Variants in DUS2 observed in about 807,000 individuals in gnomAD.
DUS2 encodes the protein dihydrouridine synthase 2, also known as tRNA-dihydrouridine(20) synthase [NAD(P)+]-like.
A neutral mutation model predicts 71.3 loss-of-function variants in DUS2; 52 were observed. The observed-to-expected ratio is 0.73, with a 90% CI of 0.58 to 0.92. DUS2 has a LOEUF of 0.92. DUS2 is among the 40% of genes least tolerant of loss of function. The pLI is 0.00. For synonymous variants in DUS2, 204 were observed against 227.8 expected, an observed-to-expected ratio of 0.90 and a Z score of 0.94; for missense variants, 558 against 622.6, an observed-to-expected ratio of 0.90 and a Z score of 1.10.
intron 2 of DUS2, among the ~76,000 whole-genome samples, chr16:68,037,653 A>G (rs2033552159): frequency 6.6e-6 from 1 of 152,032 alleles, no homozygotes; most frequent in Non-Finnish European, 1.5e-5. Flanking sequence ...TCCTGACCTC[A>G]GGTGATCCGC....
Position 68,066,557 on chromosome 16 carries a change from C to A in DUS2, c.484-9C>A, listed in dbSNP as rs768865250. ...TTCAGTAACCATCCTGTGTGGTCCT[C>A]CTCCTCAGCTAGAAGATACCCTGAG... On this transcript the variant is annotated splice_polypyrimidine_tract_variant and intron_variant, in intron 9 of 16. Coordinates refer to ENST00000565263, the MANE Select transcript of DUS2 (RefSeq NM_017803.5). 1.1e-5 allele frequency: 17 copies of A among 1,614,016 alleles called. No individual in the cohort carries two copies. The highest frequency in any genetic ancestry group is 3.3e-4 in the Middle Eastern group (2 of 6,082).
chr16:68,062,516 G>A (rs893634701), intron 8 of DUS2, among the ~76,000 whole-genome samples: 23 of 151,552 alleles, frequency 1.5e-4, no homozygotes, highest in African/African-American at 5.6e-4. Flanking sequence ...TCAGGAGATC[G>A]AGACCATTCT....
chr16:68,049,003 A>G (rs994987802), intron 3 of DUS2, among the ~76,000 whole-genome samples: 2 of 151,896 alleles, frequency 1.3e-5, no homozygotes, highest in Admixed American at 6.6e-5. Context: ...TCATTTCCAC[A>G]TAGTGTGACC....
In DUS2 at chr16:68,032,290, A is replaced by G. The variant is rs2033451932; in HGVS notation, c.-18-5716A>G. Among the ~76,000 whole-genome samples the G allele has an allele frequency of 3.9e-5, 6 of 152,150 alleles. No homozygotes were observed. In the South Asian group the frequency reaches 1.0e-3, roughly 26 times the overall value. ...ACCACAGTGGTAAGTATTCAGTCACACCTTACTAAGCAGCCTCTAAAGGTC... is the reference window on the plus strand; with the variant it reads ...ACCACAGTGGTAAGTATTCAGTCACGCCTTACTAAGCAGCCTCTAAAGGTC... On this transcript the variant is annotated intron_variant, in intron 2 of 16. Transcript: ENST00000565263.
intron 3 of DUS2, among the ~76,000 whole-genome samples, chr16:68,048,189 T>C (rs1410146187): frequency 6.6e-6 from 1 of 152,222 alleles, no homozygotes; most frequent in Non-Finnish European, 1.5e-5. Context: ...TTAGCTTAAT[T>C]GTTAGCTAAT....
intron 2 of DUS2, among the ~76,000 whole-genome samples, chr16:68,030,945 T>A (rs2151408953): frequency 6.6e-6 from 1 of 152,236 alleles, no homozygotes; most frequent in East Asian, 1.9e-4. Flanking sequence ...GATCTTGCTA[T>A]GTTGCCCAGG....
At position 68,035,707 on chromosome 16, in the gene DUS2, TGGTTTTTTTTTTTG is replaced by T. The variant is rs1450931202; in HGVS notation, c.-18-2297_-18-2284del. 2.7e-5 allele frequency among the ~76,000 whole-genome samples: 4 copies of T among 145,558 alleles called. No homozygotes were observed. The South Asian group carries it at 6.4e-4, about 23-fold the overall frequency. On this transcript the variant is annotated intron_variant, in intron 2 of 16. Coordinates refer to ENST00000565263, the MANE Select transcript of DUS2 (RefSeq NM_017803.5). ...CCTGGTCTCTCTTCTTCATTCTATG[TGGTTTTTTTTTTTG>T]GTTTTTTTTTTTTGAGACATTTACC...
chr16:68,033,755 C>T (rs1047261833), intron 2 of DUS2, among the ~76,000 whole-genome samples: 1 of 151,474 alleles, frequency 6.6e-6, no homozygotes, highest in African/African-American at 2.4e-5. Context: ...CCTCAGCCTC[C>T]TGAGTAGCTG....
At chr16:68,042,500 C>T (rs891549818) in intron 3 of DUS2, among the ~76,000 whole-genome samples, 14 of 151,988 alleles carry the variant, frequency 9.2e-5, no homozygotes, top group Non-Finnish European at 1.6e-4. Flanking sequence ...ACAAAGCTTC[C>T]GGTTTCTCTA....
intron 2 of DUS2, among the ~76,000 whole-genome samples, chr16:68,033,282 A>G (rs1419731972): frequency 6.6e-6 from 1 of 152,064 alleles, no homozygotes; most frequent in Non-Finnish European, 1.5e-5. Flanking sequence ...GGTTAGTTAT[A>G]TTTTGAAGGT....
intron 1 of DUS2, 141 bp downstream of exon 1, chr16:68,023,492 T>G (rs1035935495): frequency 4.6e-6 from 2 of 436,034 alleles, no homozygotes; most frequent in Non-Finnish European, 8.5e-6. Context: ...GGCGGAGGGC[T>G]TCTGGCGATT....
At chr16:68,040,558 C>T (rs545121324) in intron 3 of DUS2, among the ~76,000 whole-genome samples, 1 of 152,294 alleles carries the variant, frequency 6.6e-6, no homozygotes, top group East Asian at 1.9e-4. Flanking sequence ...AATCTGTTAG[C>T]ATTGTTTGAT....
chr16:68,040,805 G>A (rs1598303298), intron 3 of DUS2, among the ~76,000 whole-genome samples: 1 of 151,350 alleles, frequency 6.6e-6, no homozygotes, highest in African/African-American at 2.4e-5. Flanking sequence ...TACCAGTTGC[G>A]TGGATGTTCT....
intron 3 of DUS2, among the ~76,000 whole-genome samples, chr16:68,042,034 C>A (rs761399618): frequency 8.5e-5 from 13 of 152,112 alleles, no homozygotes; most frequent in Non-Finnish European, 1.6e-4. Flanking sequence ...CCCCTTCTCC[C>A]AGCCACTGGT....
chr16:68,031,353 C>T (rs557840692), intron 2 of DUS2, among the ~76,000 whole-genome samples: 3 of 151,888 alleles, frequency 2.0e-5, no homozygotes, highest in Non-Finnish European at 2.9e-5. Context: ...TTAGTAGAGA[C>T]GGGGTTTCAC....
chr16:68,071,177 G>A, intron 12 of DUS2, 69 bp downstream of exon 12: 3 of 1,553,476 alleles, frequency 1.9e-6, no homozygotes, highest in Middle Eastern at 1.8e-4. Flanking sequence ...AGAGCACTTT[G>A]TGTGAGCCCC....
chr16:68,027,244 T>G (rs935353497), intron 2 of DUS2, among the ~76,000 whole-genome samples: 4 of 152,098 alleles, frequency 2.6e-5, no homozygotes, highest in Non-Finnish European at 5.9e-5. Flanking sequence ...TTCTTGTTTT[T>G]TTTTTTTTTT....
intron 14 of DUS2, 151 bp from the exon 15 acceptor site, chr16:68,076,481 T>C: frequency 1.8e-6 from 1 of 554,916 alleles, no homozygotes; most frequent in Non-Finnish European, 3.3e-6. Flanking sequence ...AATGGGAGCC[T>C]AGGGGAGCAA....
chr16:68,074,224 C>T, intron 13 of DUS2, 69 bp downstream of exon 13: 1 of 1,587,876 alleles, frequency 6.3e-7, no homozygotes, highest in Non-Finnish European at 8.6e-7. Context: ...GAGCCCTAAG[C>T]TGACTCCACC....
Sources: gnomAD v4.1 joint callset for allele counts (sites outside exome capture counted in the v4.1 genomes callset) on GRCh38, gnomAD v4.1.1 for gene constraint, MANE v1.5 for transcripts, NCBI Gene and HGNC (gene_info 2026-07-23, HGNC 2026-07-21) for gene names.